PDE1C: variants seen among roughly 807,000 people sequenced by gnomAD.
PDE1C encodes dual specificity calcium/calmodulin-dependent 3',5'-cyclic nucleotide phosphodiesterase 1C.
In PDE1C, 62 loss-of-function variants were observed where a neutral mutation model predicts 93.1. The observed-to-expected ratio is 0.67, with a 90% CI of 0.54 to 0.82. The LOEUF (loss-of-function observed/expected upper bound fraction) is 0.82. Among genes scored for constraint, PDE1C ranks in the 40% least tolerant of loss-of-function variants. PDE1C has a pLI of 0.00. For synonymous variants in PDE1C, 325 were observed against 310.1 expected (o/e 1.05, Z -0.50); for missense variants, 742 against 884.6 (o/e 0.84, Z 2.04).
chr7:32,280,121 C>A (rs934898762), intron 1 of PDE1C, among the ~76,000 whole-genome samples: 6 of 152,054 alleles, frequency 3.9e-5, no homozygotes, highest in African/African-American at 1.5e-4. Flanking sequence ...ATGCTTTGGT[C>A]TGGTTGAGTT....
intron 1 of PDE1C, among the ~76,000 whole-genome samples, chr7:32,064,575 A>AATCCTTTTTC (rs1795166043): frequency 6.6e-6 from 1 of 152,164 alleles, no homozygotes; most frequent in South Asian, 2.1e-4. Flanking sequence ...TTCCAGAATT[A>AATCCTTTTTC]CAATCCTAAA....
intron 2 of PDE1C, among the ~76,000 whole-genome samples, chr7:31,926,296 A>C (rs1803369838): frequency 6.6e-6 from 1 of 152,222 alleles, no homozygotes; most frequent in Admixed American, 6.5e-5. Flanking sequence ...CCAATGTTCA[A>C]ACCTACATAG....
At chr7:31,947,507 C>G (rs1157386743) in intron 2 of PDE1C, among the ~76,000 whole-genome samples, 1 of 152,128 alleles carries the variant, frequency 6.6e-6, no homozygotes, top group Non-Finnish European at 1.5e-5. Flanking sequence ...AGGCTGGGTC[C>G]TTTTTATTTC....
At chr7:32,175,181 C>T (rs1340861184) in intron 2 of PDE1C, among the ~76,000 whole-genome samples, 1 of 152,130 alleles carries the variant, frequency 6.6e-6, no homozygotes, top group Non-Finnish European at 1.5e-5. Flanking sequence ...CTCTCACTTG[C>T]CTTCATCTTC....
Position 31,942,981 on chromosome 7 carries a change from C to T in PDE1C, c.129-62121G>A, listed in dbSNP as rs528605389. On this transcript the variant is annotated intron_variant, in intron 2 of 17. Transcript: ENST00000396191. ...CAATAACACTTAAAAATATAGATGG[C>T]TATGACTAGTGGAGTGTGAATGGCT... Among the ~76,000 whole-genome samples the T allele has an allele frequency of 2.2e-4, 33 of 152,220 alleles. No homozygotes were observed. The South Asian group carries it at 3.9e-3, about 18-fold the overall frequency.
chr7:31,913,665 T>C (rs1801532166), intron 2 of PDE1C, among the ~76,000 whole-genome samples: 1 of 152,168 alleles, frequency 6.6e-6, no homozygotes, highest in African/African-American at 2.4e-5. Context: ...CTGAGAGCTG[T>C]GGTCTGGGAC....
intron 1 of PDE1C, among the ~76,000 whole-genome samples, chr7:32,244,010 C>T (rs145982021): frequency 6.6e-6 from 1 of 152,272 alleles, no homozygotes; most frequent in Non-Finnish European, 1.5e-5. Flanking sequence ...CTTCCTCTAC[C>T]AAGACAAGAT....
Position 31,921,522 on chromosome 7 carries a change from C to T in PDE1C, c.129-40662G>A, listed in dbSNP as rs138922717. 2.5e-3 allele frequency among the ~76,000 whole-genome samples: 374 copies of T among 152,204 alleles called. 2 individuals carry two copies. The highest frequency in any genetic ancestry group is 8.5e-3 in the African/African-American group (353 of 41,528). On this transcript the variant is annotated intron_variant, in intron 2 of 17. Coordinates refer to ENST00000396191, the MANE Select transcript of PDE1C (RefSeq NM_001191057.4). ...TATTTCAGGATTCATTCCTGGAAACCAAGTCAAGAACCTTCTCCTCCAGTT... is the reference window on the plus strand; with the variant it reads ...TATTTCAGGATTCATTCCTGGAAACTAAGTCAAGAACCTTCTCCTCCAGTT...
At chr7:32,220,586 C>T (rs893491014) in intron 1 of PDE1C, among the ~76,000 whole-genome samples, 7 of 152,092 alleles carry the variant, frequency 4.6e-5, no homozygotes, top group African/African-American at 1.2e-4. Context: ...GAGGCCGAGG[C>T]GGGCGGATCA....
the PDE1C span, chr7:31,692,624 A>C: frequency 9.2e-7 from 1 of 1,086,330 alleles, no homozygotes; most frequent in Non-Finnish European, 1.4e-6. Context: ...CACCCCCCGA[A>C]ACCTGATAGT....
chr7:32,134,649 AACAC>A, intron 3 of PDE1C, among the ~76,000 whole-genome samples: 1 of 152,320 alleles, frequency 6.6e-6, no homozygotes, highest in East Asian at 1.9e-4. Flanking sequence ...TCAGCAAACT[AACAC>A]AGGAACAGAA....
chr7:32,151,245 T>C (rs1225862351), intron 3 of PDE1C, among the ~76,000 whole-genome samples: 3 of 152,152 alleles, frequency 2.0e-5, no homozygotes, highest in Non-Finnish European at 4.4e-5. Flanking sequence ...AACAGAATGA[T>C]AAAGGACTCC....
At chr7:31,779,658 G>A (rs1375612363) in intron 16 of PDE1C, among the ~76,000 whole-genome samples, 2 of 152,126 alleles carry the variant, frequency 1.3e-5, no homozygotes, top group South Asian at 2.1e-4. Context: ...GGTAGCAGGC[G>A]GGGATACATA....
chr7:31,975,643 T>C (rs948586807), intron 2 of PDE1C, among the ~76,000 whole-genome samples: 1 of 152,186 alleles, frequency 6.6e-6, no homozygotes, highest in Non-Finnish European at 1.5e-5. Context: ...ATTTAAAGCC[T>C]GCTCCACCAC....
At chr7:31,871,070 T>C (rs1345382073) in intron 6 of PDE1C, among the ~76,000 whole-genome samples, 1 of 151,812 alleles carries the variant, frequency 6.6e-6, no homozygotes, top group African/African-American at 2.4e-5. Flanking sequence ...AACCCATAAA[T>C]AAATCCACGT....
chr7:31,909,655 T>C (rs1427431159), intron 2 of PDE1C, among the ~76,000 whole-genome samples: 2 of 152,212 alleles, frequency 1.3e-5, no homozygotes, highest in African/African-American at 4.8e-5. Context: ...TTGGTTTGCC[T>C]TTCTTGGTAG....
chr7:32,055,756 T>G (rs1019089151), intron 1 of PDE1C, among the ~76,000 whole-genome samples: 2 of 152,226 alleles, frequency 1.3e-5, no homozygotes, highest in African/African-American at 4.8e-5. Context: ...AATCTCACTC[T>G]GTCGCCCAGG....
At chr7:32,361,618 A>G (rs1562690755) in intron 1 of PDE1C, among the ~76,000 whole-genome samples, 2 of 152,072 alleles carry the variant, frequency 1.3e-5, no homozygotes, top group Non-Finnish European at 2.9e-5. Flanking sequence ...CCTGGGGGAA[A>G]TTGTGATCTC....
chr7:32,114,678 A>G (rs908136946), intron 3 of PDE1C, among the ~76,000 whole-genome samples: 4 of 152,164 alleles, frequency 2.6e-5, no homozygotes, highest in Non-Finnish European at 5.9e-5. Flanking sequence ...AGAGTGAACA[A>G]CCTACAGAAT....
Sources: gnomAD v4.1 joint callset for allele counts (sites outside exome capture counted in the v4.1 genomes callset) on GRCh38, gnomAD v4.1.1 for gene constraint, MANE v1.5 for transcripts, NCBI Gene and HGNC (gene_info 2026-07-23, HGNC 2026-07-21) for gene names.